NTM: variants seen among roughly 807,000 people sequenced by gnomAD.
NTM encodes the protein IgLON family member 2.
A neutral mutation model predicts 42.1 loss-of-function variants in NTM; 13 were observed. That is an observed-to-expected ratio of 0.31 (90% CI 0.20 to 0.49). The LOEUF (loss-of-function observed/expected upper bound fraction) is 0.49. Among genes scored for constraint, NTM ranks in the 20% least tolerant of loss-of-function variants. The pLI, the probability that NTM is intolerant of heterozygous loss-of-function variation, is 0.99. For synonymous variants in NTM, 187 were observed against 179.2 expected (o/e 1.04, Z -0.35); for missense variants, 373 against 452.8 (o/e 0.82, Z 1.60).
chr11:131,511,942 C>T (rs2048306550), intron 1 of NTM, among the ~76,000 whole-genome samples: 1 of 152,136 alleles, frequency 6.6e-6, no homozygotes. Context: ...AGGGCCCGGC[C>T]CCTATTCTAT....
At chr11:132,204,987 C>G (rs2081747121) in intron 3 of NTM, among the ~76,000 whole-genome samples, 1 of 152,208 alleles carries the variant, frequency 6.6e-6, no homozygotes, top group African/African-American at 2.4e-5. Flanking sequence ...TCTCATAGGC[C>G]TTAGTGTCTC....
chr11:131,972,886 T>G (rs2063761681), intron 2 of NTM, among the ~76,000 whole-genome samples: 1 of 152,242 alleles, frequency 6.6e-6, no homozygotes, highest in Admixed American at 6.5e-5. Context: ...ATTCTCATTT[T>G]GAACGTGTCT....
intron 2 of NTM, among the ~76,000 whole-genome samples, chr11:132,001,188 G>C (rs1217792131): frequency 6.6e-6 from 1 of 152,160 alleles, no homozygotes; most frequent in Non-Finnish European, 1.5e-5. Flanking sequence ...AGGGCATTGT[G>C]GTCCCTTTAA....
chr11:132,249,596 C>T (rs1348809595), intron 4 of NTM, among the ~76,000 whole-genome samples: 2 of 152,118 alleles, frequency 1.3e-5, no homozygotes, highest in African/African-American at 4.8e-5. Flanking sequence ...TGCTTCAGTC[C>T]CTCCTTCTCC....
chr11:132,187,071 A>G (rs1329052510), intron 3 of NTM, among the ~76,000 whole-genome samples: 1 of 152,234 alleles, frequency 6.6e-6, no homozygotes, highest in Non-Finnish European at 1.5e-5. Flanking sequence ...TGAATACATC[A>G]GAGAAGCAGG....
rs957449910 is a variant in NTM, at chr11:132,215,699, A to G, written c.526+3552A>G. Among the ~76,000 whole-genome samples, 9 of 152,240 alleles carry G rather than the reference A, an allele frequency of 5.9e-5. No individual in the cohort carries two copies. In the East Asian group the frequency reaches 1.5e-3, roughly 26 times the overall value. ...ATAATTTCCGTATATTATTATGGGC[A>G]TTATGCCTTTGTAGTTCCCTTCAGG... On this transcript the variant is annotated intron_variant, in intron 4 of 8. Transcript: ENST00000683400.
chr11:131,907,093 G>A (rs994159621), intron 1 of NTM, among the ~76,000 whole-genome samples: 6 of 150,022 alleles, frequency 4.0e-5, no homozygotes, highest in South Asian at 2.1e-4. Flanking sequence ...CCATCTTCTC[G>A]CCTGCACTCC....
chr11:131,521,434 C>G (rs1348827552), intron 1 of NTM, among the ~76,000 whole-genome samples: 3 of 95,340 alleles, frequency 3.1e-5, no homozygotes, highest in South Asian at 4.3e-4. Flanking sequence ...AGACGGGAGT[C>G]TCGCTCTGTC....
chr11:131,976,575 G>T (rs1287761987), intron 2 of NTM, among the ~76,000 whole-genome samples: 1 of 152,142 alleles, frequency 6.6e-6, no homozygotes, highest in African/African-American at 2.4e-5. Flanking sequence ...GAATGTTTCA[G>T]TGTCAGTTCT....
rs2060144997 is a variant in NTM, at chr11:131,598,822, CTTTCTTCTTTCT to C, written c.82+227937_82+227948del. Reference sequence around the variant, plus strand: ...CTTTTTCTTTCTTTCTTCTTTCTTTCTTTCTTCTTTCTTTCTTTCTTTCTTTCTTCCTTCCTT... The same window carrying C: ...CTTTTTCTTTCTTTCTTCTTTCTTTCTTCTTTCTTTCTTTCTTCCTTCCTT... On this transcript the variant is annotated intron_variant, in intron 1 of 8. Coordinates refer to ENST00000683400, the MANE Select transcript of NTM (RefSeq NM_001352005.2). 9.5e-5 allele frequency among the ~76,000 whole-genome samples: 4 copies of C among 42,234 alleles called. 1 individual carries two copies. The highest frequency in any genetic ancestry group is 1.5e-4 in the African/African-American group (2 of 13,656). 27.7% of individuals were successfully genotyped at this position (42,234 alleles called of 152,430 possible).
intron 2 of NTM, among the ~76,000 whole-genome samples, chr11:132,008,006 C>T (rs537201693): frequency 3.3e-5 from 5 of 152,142 alleles, no homozygotes; most frequent in South Asian, 2.1e-4. Flanking sequence ...GTTAGGTGGG[C>T]GTTGCTTCGA....
intron 2 of NTM, among the ~76,000 whole-genome samples, chr11:132,104,541 C>T (rs2062027332): frequency 6.6e-6 from 1 of 150,944 alleles, no homozygotes; most frequent in Non-Finnish European, 1.5e-5. Context: ...TGCTTGAGCC[C>T]AGGATTCCGA....
chr11:132,159,110 A>C (rs1249590076), intron 3 of NTM, among the ~76,000 whole-genome samples: 2 of 152,208 alleles, frequency 1.3e-5, no homozygotes, highest in East Asian at 3.9e-4. Context: ...GGAGTTTTGC[A>C]GCAGGGAGAC....
At chr11:131,911,254 C>T (rs1399583141) in intron 1 of NTM, 5 of 1,419,068 alleles carry the variant, frequency 3.5e-6, no homozygotes, top group Admixed American at 2.9e-5. Flanking sequence ...TTTGGCCGTC[C>T]TCCGTGGAAC....
intron 1 of NTM, among the ~76,000 whole-genome samples, chr11:131,427,025 G>A (rs1240893619): frequency 6.6e-6 from 1 of 152,018 alleles, no homozygotes; most frequent in Admixed American, 6.6e-5. Flanking sequence ...TGGTGGTCAG[G>A]GGCTTGCCAG....
chr11:132,046,924 A>G (rs758199738), intron 2 of NTM, among the ~76,000 whole-genome samples: 3 of 152,126 alleles, frequency 2.0e-5, no homozygotes, highest in Non-Finnish European at 2.9e-5. Flanking sequence ...ATTCTCTCAT[A>G]TTGAGTATTT....
intron 4 of NTM, among the ~76,000 whole-genome samples, chr11:132,224,308 G>A (rs552132429): frequency 2.6e-5 from 4 of 152,128 alleles, no homozygotes; most frequent in Non-Finnish European, 4.4e-5. Flanking sequence ...TGATGGTCTC[G>A]GGGAGCATCT....
intron 3 of NTM, among the ~76,000 whole-genome samples, chr11:132,178,294 T>C (rs1187241729): frequency 6.6e-6 from 1 of 152,204 alleles, no homozygotes; most frequent in Non-Finnish European, 1.5e-5. Context: ...ATGTAAGTTA[T>C]TTTGTTTCCA....
chr11:132,243,367 A>T (rs538023074), intron 4 of NTM, among the ~76,000 whole-genome samples: 1 of 152,210 alleles, frequency 6.6e-6, no homozygotes, highest in Non-Finnish European at 1.5e-5. Context: ...AATATCAAAC[A>T]TATATAGGCT....
Sources: allele counts gnomAD v4.1 joint callset (sites outside exome capture counted in the v4.1 genomes callset), GRCh38; gene constraint gnomAD v4.1.1; transcripts MANE v1.5; gene names NCBI Gene and HGNC (gene_info 2026-07-23, HGNC 2026-07-21).